The following MDN1 variants were observed in gnomAD, a reference collection of about 807,000 sequenced individuals.
MDN1 encodes the protein midasin AAA ATPase 1, also known as midasin.
MDN1 carries 266 observed loss-of-function variants against 669.2 expected under a neutral mutation model. The ratio of observed to expected loss-of-function variants is 0.40; its 90% CI spans 0.36 to 0.44. MDN1 has a LOEUF of 0.44. Ranked by LOEUF, MDN1 falls within the 20% of genes least tolerant of loss-of-function variation. The probability of loss-of-function intolerance (pLI) is 1.00; values close to 1 mark genes in which losing one functional copy is unlikely to be tolerated. For missense variants in MDN1, 5,940 were observed against 6,754.0 expected (o/e 0.88, Z 4.22); for synonymous variants, 2,385 against 2,457.1 (o/e 0.97, Z 0.87).
At chr6:89,795,869 C>G (rs563284679) in intron 2 of MDN1, among the ~76,000 whole-genome samples, 1 of 151,988 alleles carries the variant, frequency 6.6e-6, no homozygotes, top group African/African-American at 2.4e-5. Flanking sequence ...GCGGGAGAAT[C>G]GCTTGAACCC....
chr6:89,662,957 A>C lies in MDN1; in HGVS notation c.14247T>G (p.Asp4749Glu). Reference protein sequence around the residue: ...DGELEEQEEDDEKSDSEGGDL... With the variant: ...DGELEEQEEDEEKSDSEGGDL... ...CTCCGCCCTCACTATCTGATTTCTC[A>C]TCATCCTCTTCTGAAAGGGAAGGCA... Residue 4749 changes from aspartate (D) to glutamate (E), a missense_variant, in exon 86 of 102, where the codon GAT (aspartate) becomes GAG (glutamate). Coordinates refer to ENST00000369393, the MANE Select transcript of MDN1 (RefSeq NM_014611.3). The C allele has an allele frequency of 6.2e-7, 1 of 1,613,930 alleles. No individual in the cohort carries two copies. The highest frequency in any genetic ancestry group is 8.5e-7 in the Non-Finnish European group (1 of 1,180,002).
chr6:89,697,989 GA>G (rs1812884408), intron 59 of MDN1, among the ~76,000 whole-genome samples: 1 of 152,114 alleles, frequency 6.6e-6, no homozygotes, highest in Admixed American at 6.5e-5. Context: ...ACTTATCAAA[GA>G]AGTGCAAATG....
chr6:89,645,673 TAAACAA>T (rs1207280830), intron 100 of MDN1, among the ~76,000 whole-genome samples: 3 of 152,192 alleles, frequency 2.0e-5, no homozygotes, highest in Non-Finnish European at 2.9e-5. Flanking sequence ...TTGACTTGTT[TAAACAA>T]AAACAAATAG....
At chr6:89,726,462 TA>T (rs1334127255) in intron 37 of MDN1, among the ~76,000 whole-genome samples, 29 of 57,860 alleles carry the variant, frequency 5.0e-4, no homozygotes, top group East Asian at 1.3e-3. Context: ...AGACTCTGCC[TA>T]AAAAAAAAAA....
At chr6:89,765,462 T>C (rs1168151407) in intron 15 of MDN1, among the ~76,000 whole-genome samples, 1 of 152,152 alleles carries the variant, frequency 6.6e-6, no homozygotes, top group Non-Finnish European at 1.5e-5. Context: ...TTAAATAAGA[T>C]TGCTAATCTT....
chr6:89,676,491 G>C (rs1811199301), intron 76 of MDN1, among the ~76,000 whole-genome samples: 2 of 152,112 alleles, frequency 1.3e-5, no homozygotes. Context: ...TGCCTACAGG[G>C]GCCAGGCAAA....
At chr6:89,724,613 A>G (rs1326814210) in intron 38 of MDN1, among the ~76,000 whole-genome samples, 1 of 152,224 alleles carries the variant, frequency 6.6e-6, no homozygotes, top group Non-Finnish European at 1.5e-5. Context: ...TACTCAGCCA[A>G]TTCTTAATCA....
At chr6:89,727,059 A>G (rs1815281175) in intron 37 of MDN1, among the ~76,000 whole-genome samples, 2 of 152,112 alleles carry the variant, frequency 1.3e-5, no homozygotes, top group South Asian at 4.2e-4. Context: ...GCTAATATAT[A>G]TTCTATCAGA....
At chr6:89,700,522 A>T in intron 56 of MDN1, 124 bp downstream of exon 56, 1 of 878,852 alleles carries the variant, frequency 1.1e-6, no homozygotes, top group South Asian at 1.7e-5. Flanking sequence ...ACTTATATAA[A>T]GGTATATAAA....
At chr6:89,678,498 C>T in intron 75 of MDN1, 101 bp downstream of exon 75, 1 of 1,368,342 alleles carries the variant, frequency 7.3e-7, no homozygotes, top group Non-Finnish European at 1.0e-6. Flanking sequence ...TGTTGTCCAC[C>T]ATCTCAACTG....
At chr6:89,728,021 C>G in intron 36 of MDN1, 66 bp from the exon 37 acceptor site, 2 of 1,518,438 alleles carry the variant, frequency 1.3e-6, no homozygotes, top group Non-Finnish European at 1.8e-6. Flanking sequence ...TTCTAACACC[C>G]TAAATCTGAA....
At chr6:89,755,093 T>C (rs1817173522) in intron 20 of MDN1, among the ~76,000 whole-genome samples, 1 of 152,162 alleles carries the variant, frequency 6.6e-6, no homozygotes, top group South Asian at 2.1e-4. Context: ...AAGGCACTTA[T>C]AAAAGTTTAC....
chr6:89,754,679 C>A (rs563615185), intron 20 of MDN1, among the ~76,000 whole-genome samples: 1 of 152,056 alleles, frequency 6.6e-6, no homozygotes, highest in Non-Finnish European at 1.5e-5. Context: ...CAGGAGGATA[C>A]GATGGCCATT....
intron 1 of MDN1, among the ~76,000 whole-genome samples, chr6:89,807,474 A>C (rs1768095103): frequency 6.6e-6 from 1 of 152,124 alleles, no homozygotes; most frequent in Non-Finnish European, 1.5e-5. Context: ...TTGCTCCTCT[A>C]CAAGTAAAGT....
intron 1 of MDN1, 75 bp from the exon 2 acceptor site, chr6:89,803,629 G>A (rs906247821): frequency 3.7e-6 from 4 of 1,091,374 alleles, no homozygotes; most frequent in African/African-American, 1.6e-5. Context: ...TCGCCCAGGA[G>A]CAAGTGCAGT....
Position 89,662,852 on chromosome 6 carries a change from C to T in MDN1, c.14352G>A (p.Glu4784=). ...TGTCTTCTTCCTCCTCATCTTCCTC[C>T]TCATCATCATCACCCCAAAGCCTCT... The part of the protein sequence containing the change: ...LDERLWGDDD[E]EEDEEEEDNK... The change falls in exon 86 of 102, where the codon GAG becomes GAA. Residue 4784 remains glutamate (E), a synonymous_variant. Transcript: ENST00000369393. 9 of 1,610,282 alleles carry T rather than the reference C, an allele frequency of 5.6e-6. No individual in the cohort carries two copies. The highest frequency in any genetic ancestry group is 7.6e-6 in the Non-Finnish European group (9 of 1,176,472).
At chr6:89,793,675 C>T in intron 5 of MDN1, 87 bp downstream of exon 5, 2 of 1,103,614 alleles carry the variant, frequency 1.8e-6, no homozygotes, top group Non-Finnish European at 2.5e-6. Flanking sequence ...TTAGCTCACA[C>T]CTGGTACATA....
rs542491937 is a variant in MDN1 at position 89,698,512 on chromosome 6, A to T, written c.9168+353T>A. On this transcript the variant is annotated intron_variant, in intron 59 of 101. Transcript: ENST00000369393. ...CTTGTTTACGTATGTATTTAATATA[A>T]AAATATATGTAAACAGAAGGATATA... Among the ~76,000 whole-genome samples the T allele has an allele frequency of 7.9e-5, 12 of 152,352 alleles. No homozygotes were observed. In the South Asian group the frequency reaches 2.5e-3, roughly 32 times the overall value.
intron 44 of MDN1, among the ~76,000 whole-genome samples, chr6:89,716,198 A>G (rs922731003): frequency 1.3e-5 from 2 of 152,264 alleles, no homozygotes; most frequent in African/African-American, 4.8e-5. Context: ...CTGTATATGT[A>G]CAATAGTTTC....
Sources: gnomAD v4.1 joint callset for allele counts (sites outside exome capture counted in the v4.1 genomes callset) on GRCh38, gnomAD v4.1.1 for gene constraint, MANE v1.5 for transcripts, NCBI Gene and HGNC (gene_info 2026-07-23, HGNC 2026-07-21) for gene names.